The following SMYD2 variants were observed in gnomAD, a reference collection of about 807,000 sequenced individuals.
SMYD2 encodes N-lysine methyltransferase SMYD2.
In SMYD2, 53 loss-of-function variants were observed where a neutral mutation model predicts 59.1. The observed-to-expected ratio is 0.90, with a 90% CI of 0.72 to 1.13. The LOEUF is 1.13. Ranked by LOEUF, SMYD2 falls within the 50% of genes most tolerant of loss-of-function variation. SMYD2 has a pLI of 0.00. For synonymous variants in SMYD2, 208 were observed against 198.8 expected (o/e 1.05, Z -0.39); for missense variants, 494 against 544.7 (o/e 0.91, Z 0.93).
intron 11 of SMYD2, 48 bp from the exon 12 acceptor site, chr1:214,336,656 G>A (rs1403017868): frequency 1.3e-6 from 2 of 1,573,392 alleles, no homozygotes; most frequent in East Asian, 2.2e-5. Context: ...GTGGAGGTGT[G>A]AGGAGATTGG....
chr1:214,316,554 T>G (rs1011099303), intron 3 of SMYD2, among the ~76,000 whole-genome samples: 1 of 151,968 alleles, frequency 6.6e-6, no homozygotes, highest in East Asian at 1.9e-4. Flanking sequence ...CCAGCCCTCC[T>G]CCACCCTTAA....
Position 214,318,774 on chromosome 1 carries a change from C to A in SMYD2, c.410-85C>A. On this transcript the variant is annotated intron_variant, in intron 4 of 11. Transcript: ENST00000366957. This position sits in a 1 kb window ranked among gnomAD's most constrained non-coding sequence, Gnocchi z 5.4. ...TTTTTTTTTTTTCGCCCGTTCCTTTCCTCTGTATCATTTACAGCAAAAATA... is the reference window on the plus strand; with the variant it reads ...TTTTTTTTTTTTCGCCCGTTCCTTTACTCTGTATCATTTACAGCAAAAATA... The A allele has an allele frequency of 7.1e-7, 1 of 1,413,132 alleles. No homozygotes were observed. Among genetic ancestry groups the A allele is most frequent in the Non-Finnish European group, 9.6e-7 (1 of 1,039,994 alleles). The allele number at this position is 1,413,132 out of a possible 1,614,324, so 87.5% of individuals were successfully genotyped here.
At chr1:214,299,299 AC>A (rs1348299753) in intron 1 of SMYD2, among the ~76,000 whole-genome samples, 1 of 152,164 alleles carries the variant, frequency 6.6e-6, no homozygotes, top group Non-Finnish European at 1.5e-5. Context: ...AAACAGAACT[AC>A]CATTCGACCC....
rs1657119494 is a variant in SMYD2 at position 214,318,394 on chromosome 1, C to A, written c.409+255C>A. Among the ~76,000 whole-genome samples, 1 of 152,196 alleles carries A rather than the reference C, an allele frequency of 6.6e-6. No homozygotes were observed. The highest frequency in any genetic ancestry group is 1.5e-5 in the Non-Finnish European group (1 of 68,038). The stretch of plus-strand genomic sequence containing the variant: ...GAATTATTGCACCCTGAGCTACCTC[C>A]TGCTGGCCCTCTTGGCATGCTGAAT... On this transcript the variant is annotated intron_variant, in intron 4 of 11. Coordinates refer to ENST00000366957, the MANE Select transcript of SMYD2 (RefSeq NM_020197.3). The surrounding 1 kb of genome is among the most constrained non-coding windows in gnomAD (Gnocchi z 5.4).
At chr1:214,285,959 A>G (rs536053342) in intron 1 of SMYD2, among the ~76,000 whole-genome samples, 1 of 152,374 alleles carries the variant, frequency 6.6e-6, no homozygotes, top group Admixed American at 6.5e-5. Flanking sequence ...TAGAAAAGGC[A>G]CAGTGAGAAT....
At chr1:214,327,257 A>G (rs1373349688) in intron 6 of SMYD2, among the ~76,000 whole-genome samples, 1 of 152,270 alleles carries the variant, frequency 6.6e-6, no homozygotes, top group Non-Finnish European at 1.5e-5. Context: ...GCGACAACGC[A>G]CCTGTGTTTG....
chr1:214,314,664 C>T lies in SMYD2; in HGVS notation c.238-98C>T, dbSNP rs1258501842. On this transcript the variant is annotated intron_variant, in intron 2 of 11. Coordinates refer to ENST00000366957, the MANE Select transcript of SMYD2 (RefSeq NM_020197.3). ...GTTTTCCAAAAGGAAACATATTTTA[C>T]TTGACCTTAACTAGGGGGACTCACT... 15 of 806,390 alleles carry T rather than the reference C, an allele frequency of 1.9e-5. No homozygotes were observed. The East Asian group carries it at 3.6e-4, about 19-fold the overall frequency. The allele number at this position is 806,390 out of a possible 1,614,324, so 50.0% of individuals were successfully genotyped here.
chr1:214,315,006 G>T, intron 3 of SMYD2, 134 bp downstream of exon 3: 1 of 681,464 alleles, frequency 1.5e-6, no homozygotes, highest in South Asian at 1.9e-5. Flanking sequence ...ATATCCATAT[G>T]GACAGGGGTG....
chr1:214,331,895 T>G, intron 9 of SMYD2, 123 bp from the exon 10 acceptor site: 2 of 847,458 alleles, frequency 2.4e-6, no homozygotes, highest in Non-Finnish European at 3.5e-6. Flanking sequence ...CTTGGCTTTC[T>G]GTAAGTTACT....
rs904314339 is a variant in SMYD2 at position 214,336,941 on chromosome 1, G to A, written c.*157G>A. The A allele has an allele frequency of 5.1e-6, 3 of 586,874 alleles. No homozygotes were observed. The African/African-American group carries it at 5.8e-5, about 11-fold the overall frequency. The allele number at this position is 586,874 out of a possible 1,614,324, so 36.4% of individuals were successfully genotyped here. On this transcript the variant is annotated 3_prime_UTR_variant, in exon 12 of 12. Transcript: ENST00000366957. Reference sequence around the variant, plus strand: ...AACACTGCACATGCCGTACTTTGAGGTTAGTCTGAATCTTGAACTTTAATA... The same window carrying A: ...AACACTGCACATGCCGTACTTTGAGATTAGTCTGAATCTTGAACTTTAATA...
In SMYD2 at chr1:214,281,191, T is replaced by C; in HGVS notation, c.-64T>C. 8.6e-7 allele frequency: 1 copy of C among 1,168,798 alleles called. No individual in the cohort carries two copies. Among genetic ancestry groups the C allele is most frequent in the Non-Finnish European group, 1.1e-6 (1 of 935,872 alleles). 72.4% of individuals were successfully genotyped at this position (1,168,798 alleles called of 1,614,324 possible). A position where few individuals can be genotyped will look rare whatever the true frequency, so the allele number is the denominator to read the frequency against. On this transcript the variant is annotated 5_prime_UTR_variant, in exon 1 of 12. Coordinates refer to ENST00000366957, the MANE Select transcript of SMYD2 (RefSeq NM_020197.3). ...CCCCCGCAGCTCTAGGTGACGCGTC[T>C]CCAATAACAGCTCGCCGGGAGCCGC...
intron 7 of SMYD2, among the ~76,000 whole-genome samples, chr1:214,329,555 G>T (rs4655246): frequency 7.2e-6 from 1 of 139,284 alleles, no homozygotes; most frequent in Non-Finnish European, 1.7e-5. Context: ...TTCCAAGCTC[G>T]CTGCCCTGCA....
At chr1:214,321,277 C>A (rs1353865151) in intron 5 of SMYD2, among the ~76,000 whole-genome samples, 2 of 152,134 alleles carry the variant, frequency 1.3e-5, no homozygotes, top group East Asian at 3.8e-4. Context: ...TATGCATACA[C>A]ACATACACGT....
At chr1:214,288,591 G>A (rs1393889417) in intron 1 of SMYD2, among the ~76,000 whole-genome samples, 2 of 151,936 alleles carry the variant, frequency 1.3e-5, no homozygotes, top group African/African-American at 4.8e-5. Context: ...ATTTATAATT[G>A]GCCAACAATT....
chr1:214,332,548 A>G (rs1657372867), intron 10 of SMYD2: 1 of 173,624 alleles, frequency 5.8e-6, no homozygotes, highest in African/African-American at 2.4e-5. Context: ...GGTCTCAGAA[A>G]CCCTGGTTTT....
Position 214,299,512 on chromosome 1 carries a change from AAG to A in SMYD2, c.174-5673_174-5672del, listed in dbSNP as rs1414583295. ...CATAGAATACTATGCAGTCATAAAA[AAG>A]AATGAAATTATGTCTTTTGCAGCAA... On this transcript the variant is annotated intron_variant, in intron 1 of 11. Coordinates refer to ENST00000366957, the MANE Select transcript of SMYD2 (RefSeq NM_020197.3). Among the ~76,000 whole-genome samples the A allele has an allele frequency of 2.7e-5, 4 of 147,644 alleles. No homozygotes were observed. In the East Asian group the frequency reaches 7.9e-4, roughly 29 times the overall value.
At chr1:214,295,396 A>AT (rs1158286087) in intron 1 of SMYD2, among the ~76,000 whole-genome samples, 2 of 114,534 alleles carry the variant, frequency 1.7e-5, no homozygotes, top group African/African-American at 3.5e-5. Context: ...AAGCTTCATG[A>AT]ATTTTTTTTG....
chr1:214,290,326 G>A (rs1656615939), intron 1 of SMYD2, among the ~76,000 whole-genome samples: 1 of 152,182 alleles, frequency 6.6e-6, no homozygotes, highest in African/African-American at 2.4e-5. Flanking sequence ...AAAATAGCGT[G>A]GAACTCCTTG....
chr1:214,323,440 C>A (rs1553255788), intron 5 of SMYD2, among the ~76,000 whole-genome samples: 2 of 151,346 alleles, frequency 1.3e-5, no homozygotes, highest in Non-Finnish European at 3.0e-5. Flanking sequence ...TGCAACATTT[C>A]TTTTTTTTTG....
Sources: allele counts gnomAD v4.1 joint callset (sites outside exome capture counted in the v4.1 genomes callset), GRCh38; gene constraint gnomAD v4.1.1; non-coding constraint Gnocchi (gnomAD v3.1); transcripts MANE v1.5; gene names NCBI Gene and HGNC (gene_info 2026-07-23, HGNC 2026-07-21).